The following SNTG2 variants were observed in gnomAD, a reference collection of about 807,000 sequenced individuals.
SNTG2 encodes the protein gamma-2-syntrophin.
A neutral mutation model predicts 70.9 loss-of-function variants in SNTG2; 74 were observed. That is an observed-to-expected ratio of 1.04 (90% CI 0.86 to 1.27). The LOEUF (loss-of-function observed/expected upper bound fraction) is 1.27. Among genes scored for constraint, SNTG2 ranks in the 50% most tolerant of loss-of-function variants. The pLI is 0.00. For synonymous variants in SNTG2, 278 were observed against 273.8 expected, an observed-to-expected ratio of 1.02 and a Z score of -0.15; for missense variants, 717 against 690.7, an observed-to-expected ratio of 1.04 and a Z score of -0.43.
chr2:1,122,110 A>C (rs1424378819), intron 4 of SNTG2, among the ~76,000 whole-genome samples: 3 of 152,256 alleles, frequency 2.0e-5, no homozygotes, highest in African/African-American at 7.2e-5. Context: ...TAGAAAAAGT[A>C]ATCAAATCCT....
intron 1 of SNTG2, among the ~76,000 whole-genome samples, chr2:1,072,637 A>G (rs1003068961): frequency 2.0e-5 from 3 of 152,216 alleles, no homozygotes; most frequent in African/African-American, 7.2e-5. Context: ...CTGTTAATAT[A>G]ACATCCACTC....
At chr2:1,288,811 C>T (rs1418902136) in intron 14 of SNTG2, among the ~76,000 whole-genome samples, 2 of 152,146 alleles carry the variant, frequency 1.3e-5, no homozygotes, top group African/African-American at 4.8e-5. Context: ...CACACATGCT[C>T]ATGCCACACC....
In SNTG2 at chr2:1,015,922, G is replaced by C. The variant is rs563938217; in HGVS notation, c.72+64854G>C. Among the ~76,000 whole-genome samples, 729 of 152,298 alleles carry C rather than the reference G, an allele frequency of 4.8e-3. 6 individuals carry two copies. The highest frequency in any genetic ancestry group is 0.016 in the African/African-American group (657 of 41,564). ...ATGGCCCATGCAGCAGATAGTCCAT[G>C]TTTATAAATGGTCAGTATTACTTGT... On this transcript the variant is annotated intron_variant, in intron 1 of 16. Transcript: ENST00000308624.
At chr2:959,386 C>G (rs1400007235) in intron 1 of SNTG2, among the ~76,000 whole-genome samples, 1 of 152,132 alleles carries the variant, frequency 6.6e-6, no homozygotes, top group Non-Finnish European at 1.5e-5. Context: ...TCTTCCAAAG[C>G]TTTATCAAAT....
At chr2:1,239,700 G>A (rs1415568184) in intron 10 of SNTG2, 38 bp from the exon 11 acceptor site, 1 of 1,608,892 alleles carries the variant, frequency 6.2e-7, no homozygotes, top group Non-Finnish European at 8.5e-7. Context: ...CCTGGTGTTG[G>A]TGGCTGTGGC....
chr2:1,038,081 G>A (rs1038264672), intron 1 of SNTG2, among the ~76,000 whole-genome samples: 3 of 152,164 alleles, frequency 2.0e-5, no homozygotes, highest in Non-Finnish European at 4.4e-5. Context: ...GTTCCCTCAC[G>A]TCTGAGCAAT....
intron 1 of SNTG2, among the ~76,000 whole-genome samples, chr2:975,514 T>A (rs1184894455): frequency 6.6e-6 from 1 of 152,202 alleles, no homozygotes; most frequent in Non-Finnish European, 1.5e-5. Context: ...GAGTATTGAG[T>A]ACATTGACAT....
At chr2:1,128,340 A>G (rs1435093732) in intron 4 of SNTG2, among the ~76,000 whole-genome samples, 1 of 152,204 alleles carries the variant, frequency 6.6e-6, no homozygotes, top group Non-Finnish European at 1.5e-5. Flanking sequence ...CTTTTTAAAA[A>G]TGAGCAAAAT....
chr2:973,329 A>G (rs1373474621), intron 1 of SNTG2, among the ~76,000 whole-genome samples: 3 of 152,128 alleles, frequency 2.0e-5, no homozygotes, highest in African/African-American at 7.2e-5. Flanking sequence ...TTTGCTGAGT[A>G]TGGATTTCTG....
In SNTG2 at chr2:1,137,800, TGAA is replaced by T; in HGVS notation, c.407_409del (p.Glu136del). The T allele has an allele frequency of 3.1e-6, 5 of 1,612,418 alleles. No individual in the cohort carries two copies. The highest frequency in any genetic ancestry group is 3.4e-6 in the Non-Finnish European group (4 of 1,178,948). On this transcript the variant is annotated inframe_deletion, in exon 6 of 17. Transcript: ENST00000308624. ...GCATACATGTAGAAAATGCAACTCA[TGAA>T]GAAGTGGTAAGTGAATTACATTTTA...
intron 14 of SNTG2, among the ~76,000 whole-genome samples, chr2:1,284,452 T>G (rs1287329893): frequency 6.6e-6 from 1 of 152,208 alleles, no homozygotes; most frequent in Non-Finnish European, 1.5e-5. Flanking sequence ...GATTCTGTCT[T>G]GTTTTTCTTT....
At chr2:1,030,116 T>C (rs1660732458) in intron 1 of SNTG2, among the ~76,000 whole-genome samples, 1 of 152,232 alleles carries the variant, frequency 6.6e-6, no homozygotes, top group Admixed American at 6.5e-5. Flanking sequence ...TTTCCTTCTT[T>C]TGTACATCGA....
intron 16 of SNTG2, chr2:1,340,954 G>A (rs937645764): frequency 2.0e-5 from 3 of 152,192 alleles, no homozygotes; most frequent in Admixed American, 6.5e-5. Context: ...CATTTTTGAT[G>A]TTTAAATTGT....
intron 1 of SNTG2, among the ~76,000 whole-genome samples, chr2:1,061,279 T>A (rs1662807866): frequency 6.6e-6 from 1 of 152,182 alleles, no homozygotes; most frequent in Non-Finnish European, 1.5e-5. Context: ...GAAAGAATGA[T>A]GATAAACATT....
intron 7 of SNTG2, among the ~76,000 whole-genome samples, chr2:1,171,997 T>C (rs1398851505): frequency 6.6e-6 from 1 of 152,174 alleles, no homozygotes; most frequent in Non-Finnish European, 1.5e-5. Context: ...TCCCAGGAAA[T>C]AGACGGCACA....
chr2:1,151,053 C>T (rs117236663), intron 6 of SNTG2, among the ~76,000 whole-genome samples: 1 of 152,310 alleles, frequency 6.6e-6, no homozygotes, highest in East Asian at 1.9e-4. Flanking sequence ...GTCAAAACCT[C>T]TAATTACCAC....
intron 9 of SNTG2, among the ~76,000 whole-genome samples, chr2:1,214,247 A>G (rs1674230862): frequency 6.6e-6 from 1 of 152,190 alleles, no homozygotes; most frequent in South Asian, 2.1e-4. Flanking sequence ...TTATGGTTCC[A>G]TATACATTTT....
intron 4 of SNTG2, among the ~76,000 whole-genome samples, chr2:1,118,258 C>T (rs572058358): frequency 3.3e-5 from 5 of 152,178 alleles, no homozygotes; most frequent in South Asian, 2.1e-4. Context: ...TCAGACCCTG[C>T]GCTGAGAAAG....
chr2:1,213,889 G>A (rs1056338172), intron 9 of SNTG2, among the ~76,000 whole-genome samples: 6 of 151,410 alleles, frequency 4.0e-5, no homozygotes, highest in African/African-American at 1.5e-4. Flanking sequence ...ATAGTTTCAG[G>A]TCTTACATTT....
Sources: allele counts gnomAD v4.1 joint callset (sites outside exome capture counted in the v4.1 genomes callset), GRCh38; gene constraint gnomAD v4.1.1; transcripts MANE v1.5; gene names NCBI Gene and HGNC (gene_info 2026-07-23, HGNC 2026-07-21).